The following CTDSPL variants were observed in gnomAD, a reference collection of about 807,000 sequenced individuals.
CTDSPL encodes CTD small phosphatase-like protein.
CTDSPL carries 8 observed loss-of-function variants against 30.5 expected under a neutral mutation model. That is an observed-to-expected ratio of 0.26 (90% CI 0.15 to 0.47). The LOEUF is 0.47. Ranked by LOEUF, CTDSPL falls within the 20% of genes least tolerant of loss-of-function variation. CTDSPL has a pLI of 0.99. For synonymous variants in CTDSPL, 110 were observed against 137.9 expected (o/e 0.80, Z 1.42); for missense variants, 248 against 366.1 (o/e 0.68, Z 2.63).
intron 1 of CTDSPL, among the ~76,000 whole-genome samples, chr3:37,935,335 C>T (rs1413162849): frequency 2.7e-5 from 4 of 149,120 alleles, no homozygotes; most frequent in Non-Finnish European, 4.5e-5. Flanking sequence ...AAAAAAAAAA[C>T]GGGGCCTTGT....
chr3:37,973,597 C>T (rs1046750801), intron 6 of CTDSPL, among the ~76,000 whole-genome samples: 4 of 152,242 alleles, frequency 2.6e-5, no homozygotes, highest in African/African-American at 9.6e-5. Flanking sequence ...GCTCTGGACT[C>T]GGCTTCCAGC....
chr3:37,897,841 C>T (rs1251729081), intron 1 of CTDSPL, among the ~76,000 whole-genome samples: 1 of 152,172 alleles, frequency 6.6e-6, no homozygotes, highest in East Asian at 1.9e-4. Context: ...GCACAGAGCA[C>T]TGCCATTAGT....
chr3:37,867,643 A>T (rs1698025778), intron 1 of CTDSPL, among the ~76,000 whole-genome samples: 1 of 152,188 alleles, frequency 6.6e-6, no homozygotes, highest in African/African-American at 2.4e-5. Context: ...GTTTTTAAAA[A>T]TTTTTATTTT....
Position 37,876,878 on chromosome 3 carries a change from C to T in CTDSPL, c.79+14600C>T, listed in dbSNP as rs979125501. On this transcript the variant is annotated intron_variant, in intron 1 of 7. Coordinates refer to ENST00000273179, the MANE Select transcript of CTDSPL (RefSeq NM_001008392.2). ...ATCCCAGCACTTTGGGAGGCTGAGG[C>T]GGGTGGATCACGAGGTCAGGAGTTC... Among the ~76,000 whole-genome samples the T allele has an allele frequency of 4.6e-5, 7 of 151,572 alleles. No individual in the cohort carries two copies. In the East Asian group the frequency reaches 9.7e-4, roughly 21 times the overall value.
At position 37,941,446 on chromosome 3, in the gene CTDSPL, C is replaced by T. The variant is rs1454545340; in HGVS notation, c.80-5611C>T. On this transcript the variant is annotated intron_variant, in intron 1 of 7. Coordinates refer to ENST00000273179, the MANE Select transcript of CTDSPL (RefSeq NM_001008392.2). ...TTTTTTTTTTTTTGAGACAGAGTCTCACCCTGTCACCCAGGCTGGAGTGTG... is the reference window on the plus strand; with the variant it reads ...TTTTTTTTTTTTTGAGACAGAGTCTTACCCTGTCACCCAGGCTGGAGTGTG... Among the ~76,000 whole-genome samples the T allele has an allele frequency of 1.2e-4, 17 of 146,398 alleles. 1 individual carries two copies. The highest frequency in any genetic ancestry group is 3.7e-4 in the African/African-American group (15 of 40,422).
rs565292917 is a variant in CTDSPL at position 37,983,564 on chromosome 3, T to A, written c.*2697T>A. ...AAAGAGAACCCTGACCTCCTGAGTT[T>A]CCATGCTCCTTTCTGTACCAGGTTT... On this transcript the variant is annotated 3_prime_UTR_variant, in exon 8 of 8. Transcript: ENST00000273179. 6.5e-6 allele frequency: 1 copy of A among 152,734 alleles called. No individual in the cohort carries two copies. Among genetic ancestry groups the A allele is most frequent in the Non-Finnish European group, 1.5e-5 (1 of 68,064 alleles). 9.5% of individuals were successfully genotyped at this position (152,734 alleles called of 1,614,324 possible). A position where few individuals can be genotyped will look rare whatever the true frequency, so the allele number is the denominator to read the frequency against.
rs533460272 is a variant in CTDSPL at position 37,889,039 on chromosome 3, A to G, written c.79+26761A>G. On this transcript the variant is annotated intron_variant, in intron 1 of 7. Transcript: ENST00000273179. ...GTCTTTTAAAATAAATCAAATTTTA[A>G]TATTTACAAATGATAACAGAATTTG... Among the ~76,000 whole-genome samples, 31 of 152,372 alleles carry G rather than the reference A, an allele frequency of 2.0e-4. No individual in the cohort carries two copies. In the East Asian group the frequency reaches 4.4e-3, roughly 22 times the overall value.
intron 1 of CTDSPL, among the ~76,000 whole-genome samples, chr3:37,922,619 A>C (rs996312037): frequency 5.9e-5 from 9 of 152,190 alleles, no homozygotes; most frequent in African/African-American, 1.9e-4. Context: ...TACTAAACAG[A>C]CCACCATTCT....
intron 1 of CTDSPL, among the ~76,000 whole-genome samples, chr3:37,901,154 G>T (rs1217354215): frequency 6.6e-6 from 1 of 152,178 alleles, no homozygotes; most frequent in South Asian, 2.1e-4. Context: ...GTCTGGGCAG[G>T]AAGAGAAATG....
intron 6 of CTDSPL, 69 bp downstream of exon 6, chr3:37,971,568 C>G: frequency 7.1e-7 from 1 of 1,404,606 alleles, no homozygotes; most frequent in Non-Finnish European, 1.0e-6. Flanking sequence ...TACCCCCAAT[C>G]TGTCAAGCAG....
At chr3:37,927,668 G>GTA (rs1184572461) in intron 1 of CTDSPL, among the ~76,000 whole-genome samples, 2 of 127,166 alleles carry the variant, frequency 1.6e-5, no homozygotes, top group South Asian at 2.4e-4. Context: ...GTGTGTGTGT[G>GTA]TGTGTGTGTG....
intron 3 of CTDSPL, among the ~76,000 whole-genome samples, chr3:37,960,539 C>T (rs1490516413): frequency 1.1e-3 from 73 of 65,650 alleles, no homozygotes; most frequent in African/African-American, 3.7e-3. Context: ...TATATATACA[C>T]ACACACACAC....
At position 37,945,251 on chromosome 3, in the gene CTDSPL, C is replaced by G. The variant is rs148925199; in HGVS notation, c.80-1806C>G. Among the ~76,000 whole-genome samples the G allele has an allele frequency of 5.9e-3, 889 of 150,456 alleles. 23 individuals carry two copies. The highest frequency in any genetic ancestry group is 0.02 in the African/African-American group (824 of 41,406). On this transcript the variant is annotated intron_variant, in intron 1 of 7. Transcript: ENST00000273179. ...TATTAAATACAAGTTTATTGCAATG[C>G]TTTTCTCTCCCTATTTGGCATGTTC... is the stretch of plus-strand genomic sequence containing the variant.
intron 2 of CTDSPL, 36 bp from the exon 3 acceptor site, chr3:37,957,075 G>A (rs73058970): frequency 0.056 from 88,511 of 1,576,042 alleles, 2,696 homozygotes; most frequent in African/African-American, 0.094. Context: ...TCTTCTCTTC[G>A]AACCTGACAA....
At chr3:37,952,807 A>G (rs927135177) in intron 2 of CTDSPL, among the ~76,000 whole-genome samples, 17 of 152,230 alleles carry the variant, frequency 1.1e-4, no homozygotes, top group Non-Finnish European at 2.2e-4. Flanking sequence ...TAGATACACT[A>G]GTCAGTATGG....
chr3:37,979,975 G>A (rs1485092695), intron 7 of CTDSPL, among the ~76,000 whole-genome samples: 9 of 152,140 alleles, frequency 5.9e-5, no homozygotes, highest in Admixed American at 5.9e-4. Flanking sequence ...TCCCCTAGGC[G>A]TAGTCATTTC....
At position 37,907,932 on chromosome 3, in the gene CTDSPL, A is replaced by T. The variant is rs534460542; in HGVS notation, c.80-39125A>T. The stretch of plus-strand genomic sequence containing the variant: ...AGATACGGCTAGTGGTGTGCCAGGA[A>T]CTATCACACATGGTAAATGCGACCC... On this transcript the variant is annotated intron_variant, in intron 1 of 7. Coordinates refer to ENST00000273179, the MANE Select transcript of CTDSPL (RefSeq NM_001008392.2). Among the ~76,000 whole-genome samples, 7 of 152,312 alleles carry T rather than the reference A, an allele frequency of 4.6e-5. No individual in the cohort carries two copies. The South Asian group carries it at 1.2e-3, about 27-fold the overall frequency.
intron 1 of CTDSPL, among the ~76,000 whole-genome samples, chr3:37,884,077 T>G (rs73056966): frequency 0.056 from 8,501 of 152,254 alleles, 286 homozygotes; most frequent in South Asian, 0.095. Flanking sequence ...CATAAAATGT[T>G]AGTATATTTC....
chr3:37,914,035 G>A (rs1018080346), intron 1 of CTDSPL, among the ~76,000 whole-genome samples: 2 of 152,128 alleles, frequency 1.3e-5, no homozygotes, highest in African/African-American at 2.4e-5. Flanking sequence ...CAGAATTGAC[G>A]TCTTCACAGT....
Sources: gnomAD v4.1 joint callset for allele counts (sites outside exome capture counted in the v4.1 genomes callset) on GRCh38, gnomAD v4.1.1 for gene constraint, MANE v1.5 for transcripts, NCBI Gene and HGNC (gene_info 2026-07-23, HGNC 2026-07-21) for gene names.